The following RASSF2 variants were observed in gnomAD, a reference collection of about 807,000 sequenced individuals.
The protein encoded by RASSF2 is ras association domain-containing protein 2.
RASSF2 carries 34 observed loss-of-function variants against 46.3 expected under a neutral mutation model. That is an observed-to-expected ratio of 0.73 (90% CI 0.56 to 0.98). The LOEUF (loss-of-function observed/expected upper bound fraction) is 0.98. Ranked by LOEUF, RASSF2 falls within the 50% of genes least tolerant of loss-of-function variation. RASSF2 has a pLI of 0.00. For synonymous variants in RASSF2, 158 were observed against 162.5 expected, an observed-to-expected ratio of 0.97 and a Z score of 0.21; for missense variants, 364 against 431.2, an observed-to-expected ratio of 0.84 and a Z score of 1.38.
At position 4,789,708 on chromosome 20, in the gene RASSF2, A is replaced by G; in HGVS notation, c.538-11T>C. 1 of 1,612,010 alleles carries G rather than the reference A, an allele frequency of 6.2e-7. No homozygotes were observed. The highest frequency in any genetic ancestry group is 8.5e-7 in the Non-Finnish European group (1 of 1,178,266). On this transcript the variant is annotated splice_polypyrimidine_tract_variant and intron_variant, in intron 7 of 11. Coordinates refer to ENST00000379400, the MANE Select transcript of RASSF2 (RefSeq NM_014737.3). ...TGTGAACACGGATGTCTGTCAATAG[A>G]AGGGCCCAGCTCAGGGTGGGAGTGG...
At chr20:4,813,427 A>T (rs116345258) in intron 2 of RASSF2, among the ~76,000 whole-genome samples, 3,066 of 152,340 alleles carry the variant, frequency 0.02, 91 homozygotes, top group African/African-American at 0.069. Context: ...GATGGGAGGA[A>T]GCGGTCCTGG....
At chr20:4,811,534 C>T (rs1220276928) in intron 2 of RASSF2, among the ~76,000 whole-genome samples, 2 of 140,626 alleles carry the variant, frequency 1.4e-5, no homozygotes, top group Admixed American at 7.1e-5. Flanking sequence ...ATTGAGGACA[C>T]CACCATAGGT....
intron 9 of RASSF2, 130 bp from the exon 10 acceptor site, chr20:4,787,884 T>A: frequency 8.4e-7 from 1 of 1,186,668 alleles, no homozygotes; most frequent in Non-Finnish European, 1.2e-6. Context: ...ATAAGTGAAC[T>A]ATTCCATAGG....
At chr20:4,809,891 G>A (rs1013827715) in intron 2 of RASSF2, among the ~76,000 whole-genome samples, 5 of 152,152 alleles carry the variant, frequency 3.3e-5, no homozygotes, top group Admixed American at 6.5e-5. Flanking sequence ...GGCAGGTGGC[G>A]CTTCTGGACC....
intron 4 of RASSF2, among the ~76,000 whole-genome samples, chr20:4,797,089 T>TC (rs1926415370): frequency 1.3e-5 from 2 of 152,172 alleles, no homozygotes; most frequent in Admixed American, 1.3e-4. Flanking sequence ...TTTACGGTGC[T>TC]TAGGCGTCTC....
intron 2 of RASSF2, among the ~76,000 whole-genome samples, chr20:4,809,306 C>A (rs1446683167): frequency 6.6e-6 from 1 of 152,168 alleles, no homozygotes; most frequent in Non-Finnish European, 1.5e-5. Context: ...GACATCCCAG[C>A]CACAGAGAAC....
intron 3 of RASSF2, 141 bp from the exon 4 acceptor site, chr20:4,798,226 G>GC: frequency 7.4e-7 from 1 of 1,347,788 alleles, no homozygotes; most frequent in Non-Finnish European, 9.9e-7. Flanking sequence ...ACACACACAT[G>GC]CACATGCACA....
chr20:4,791,404 G>A (rs549224076), intron 6 of RASSF2, among the ~76,000 whole-genome samples: 1 of 152,150 alleles, frequency 6.6e-6, no homozygotes, highest in Non-Finnish European at 1.5e-5. Flanking sequence ...ACATGGTTAA[G>A]ATGGTAAACG....
Position 4,812,436 on chromosome 20 carries a change from G to A in RASSF2, c.-33+9893C>T, listed in dbSNP as rs991237177. 6.6e-6 allele frequency among the ~76,000 whole-genome samples: 1 copy of A among 152,206 alleles called. No individual in the cohort carries two copies. Among genetic ancestry groups the A allele is most frequent in the Non-Finnish European group, 1.5e-5 (1 of 68,028 alleles). ...ATCCAGGGCGGTGCAGGTGCCAAGCGGAACCCCTGTAGACTACAGCTTCTC... is the reference window on the plus strand; with the variant it reads ...ATCCAGGGCGGTGCAGGTGCCAAGCAGAACCCCTGTAGACTACAGCTTCTC... On this transcript the variant is annotated intron_variant, in intron 2 of 11. Transcript: ENST00000379400. This position sits in a 1 kb window ranked among gnomAD's most constrained non-coding sequence, Gnocchi z 4.0.
intron 2 of RASSF2, among the ~76,000 whole-genome samples, chr20:4,801,446 G>A (rs1286389757): frequency 2.6e-5 from 4 of 152,328 alleles, no homozygotes; most frequent in Non-Finnish European, 5.9e-5. Context: ...GAGGTCTACT[G>A]AGGATGGGTA....
chr20:4,818,784 C>T (rs1342144791), intron 2 of RASSF2, among the ~76,000 whole-genome samples: 1 of 152,142 alleles, frequency 6.6e-6, no homozygotes, highest in Non-Finnish European at 1.5e-5. Flanking sequence ...CTATGTTCCA[C>T]CATAATACAC....
intron 4 of RASSF2, among the ~76,000 whole-genome samples, chr20:4,796,338 C>T (rs1474321957): frequency 6.6e-6 from 1 of 152,238 alleles, no homozygotes; most frequent in East Asian, 1.9e-4. Context: ...TTAGCTACGT[C>T]CCATCCCCTA....
At chr20:4,787,829 A>AAGGGACT (rs3835262) in intron 9 of RASSF2, 75 bp from the exon 10 acceptor site, 957,655 of 1,588,156 alleles carry the variant, frequency 0.6, 292,799 homozygotes, top group African/African-American at 0.79. Context: ...CAGGGGTCCA[A>AAGGGACT]AGGCACCTTA....
intron 11 of RASSF2, 70 bp from the exon 12 acceptor site, chr20:4,784,412 A>G: frequency 1.4e-6 from 2 of 1,453,360 alleles, no homozygotes; most frequent in Non-Finnish European, 1.9e-6. Flanking sequence ...CTTCCCGGCC[A>G]CCTGGGTAAC....
chr20:4,817,267 T>A (rs766701344), intron 2 of RASSF2, among the ~76,000 whole-genome samples: 3 of 152,202 alleles, frequency 2.0e-5, no homozygotes, highest in Non-Finnish European at 2.9e-5. Flanking sequence ...TTATTATAAA[T>A]AATGCTGCGA....
chr20:4,809,985 C>T (rs373247724), intron 2 of RASSF2, among the ~76,000 whole-genome samples: 4 of 152,328 alleles, frequency 2.6e-5, no homozygotes, highest in Admixed American at 6.5e-5. Flanking sequence ...GCCGCTAAGA[C>T]CCAGCACTGT....
At chr20:4,810,404 A>G (rs990876486) in intron 2 of RASSF2, among the ~76,000 whole-genome samples, 1 of 152,134 alleles carries the variant, frequency 6.6e-6, no homozygotes, top group Non-Finnish European at 1.5e-5. Context: ...GGAGGAGGGA[A>G]AGGCGTCTGG....
rs1926825029 is a variant in RASSF2, at chr20:4,801,043, T to G, written c.-13A>C. The G allele has an allele frequency of 1.9e-6, 3 of 1,613,230 alleles. No homozygotes were observed. The highest frequency in any genetic ancestry group is 2.2e-5 in the South Asian group (2 of 91,056). ...GGCTGTAGTCCATTCTTCCTTTCTC[T>G]TTTCATCGGAAGGAGAGGCCTACAT... is the stretch of plus-strand genomic sequence containing the variant. On this transcript the variant is annotated 5_prime_UTR_variant, in exon 3 of 12. Coordinates refer to ENST00000379400, the MANE Select transcript of RASSF2 (RefSeq NM_014737.3).
intron 5 of RASSF2, among the ~76,000 whole-genome samples, chr20:4,793,563 C>G (rs1363864891): frequency 6.6e-6 from 1 of 152,194 alleles, no homozygotes; most frequent in Non-Finnish European, 1.5e-5. Flanking sequence ...ACTTGGCACC[C>G]AGAGCAGCGA....
Sources: gnomAD v4.1 joint callset for allele counts (sites outside exome capture counted in the v4.1 genomes callset) on GRCh38, gnomAD v4.1.1 for gene constraint, Gnocchi (gnomAD v3.1) non-coding constraint, MANE v1.5 for transcripts, NCBI Gene and HGNC (gene_info 2026-07-23, HGNC 2026-07-21) for gene names.